Variants in SH3GLB1 observed in about 807,000 individuals in gnomAD.
The protein encoded by SH3GLB1 is endophilin-B1.
SH3GLB1 carries 17 observed loss-of-function variants against 42.0 expected under a neutral mutation model. The observed-to-expected ratio is 0.40, with a 90% CI of 0.28 to 0.61. The LOEUF is 0.61. Among genes scored for constraint, SH3GLB1 ranks in the 20% least tolerant of loss-of-function variants. The pLI is 0.36. For missense variants in SH3GLB1, 355 were observed against 426.3 expected (o/e 0.83, Z 1.47); for synonymous variants, 132 against 146.6 (o/e 0.90, Z 0.72).
In SH3GLB1 at chr1:86,746,022, C is replaced by T. The variant is rs1344042887; in HGVS notation, c.*2787C>T. The T allele has an allele frequency of 6.6e-6, 1 of 152,546 alleles. No individual in the cohort carries two copies. The highest frequency in any genetic ancestry group is 2.4e-5 in the African/African-American group (1 of 41,422). 9.4% of individuals were successfully genotyped at this position (152,546 alleles called of 1,614,324 possible). A position where few individuals can be genotyped will look rare whatever the true frequency, so the allele number is the denominator to read the frequency against. On this transcript the variant is annotated 3_prime_UTR_variant, in exon 9 of 9. Transcript: ENST00000370558. ...AACCTAAACGGTCATGGTGTTAAAA[C>T]TTTTTATGGTGCTAATCAGAAAAAT...
chr1:86,725,009 C>A (rs1655118356), intron 5 of SH3GLB1, among the ~76,000 whole-genome samples: 1 of 145,122 alleles, frequency 6.9e-6, no homozygotes, highest in African/African-American at 2.6e-5. Context: ...TACACACACA[C>A]ACGTGATATT....
chr1:86,706,860 C>T (rs1014024791), intron 1 of SH3GLB1, among the ~76,000 whole-genome samples: 11 of 152,192 alleles, frequency 7.2e-5, no homozygotes, highest in African/African-American at 2.4e-4. Flanking sequence ...TAGCAAAGCT[C>T]TCAAAATGTG....
chr1:86,719,421 TA>T (rs1195142820), intron 2 of SH3GLB1, 85 bp from the exon 3 acceptor site: 2 of 1,217,156 alleles, frequency 1.6e-6, no homozygotes, highest in Non-Finnish European at 2.3e-6. Context: ...TAGGAGATGA[TA>T]AATGGCTGCT....
At chr1:86,731,647 A>G (rs1030944885) in intron 5 of SH3GLB1, among the ~76,000 whole-genome samples, 11 of 152,242 alleles carry the variant, frequency 7.2e-5, no homozygotes, top group African/African-American at 2.7e-4. Flanking sequence ...AAGTTTAGGA[A>G]ATAATTGATA....
chr1:86,743,259 C>T lies in SH3GLB1; in HGVS notation c.*24C>T. 1 of 1,502,478 alleles carries T rather than the reference C, an allele frequency of 6.7e-7. No individual in the cohort carries two copies. The highest frequency in any genetic ancestry group is 9.1e-7 in the Non-Finnish European group (1 of 1,104,618). 93.1% of individuals were successfully genotyped at this position (1,502,478 alleles called of 1,614,324 possible). On this transcript the variant is annotated 3_prime_UTR_variant, in exon 9 of 9. Transcript: ENST00000370558. Reference sequence around the variant, plus strand: ...AAGTAGGTGGACTATGGAAAGGTTGCCCATCATGACTTTGTATTTATATAC... The same window carrying T: ...AAGTAGGTGGACTATGGAAAGGTTGTCCATCATGACTTTGTATTTATATAC...
chr1:86,724,967 GTA>G (rs1170614234), intron 5 of SH3GLB1, among the ~76,000 whole-genome samples: 1 of 138,182 alleles, frequency 7.2e-6, no homozygotes, highest in African/African-American at 2.8e-5. Flanking sequence ...ATACATATGT[GTA>G]TATATATAAA....
intron 7 of SH3GLB1, among the ~76,000 whole-genome samples, chr1:86,739,432 G>A (rs1394775665): frequency 2.0e-5 from 3 of 152,234 alleles, no homozygotes. Context: ...GGTCAAGTGA[G>A]AGGACTACGA....
chr1:86,730,216 TTAG>T, intron 5 of SH3GLB1: 1 of 1,454,334 alleles, frequency 6.9e-7, no homozygotes, highest in African/African-American at 1.4e-5. Flanking sequence ...ACAGTCTGTG[TTAG>T]TATACCTTAT....
chr1:86,708,332 TAGAG>T (rs1203988046), intron 1 of SH3GLB1, among the ~76,000 whole-genome samples: 1 of 152,174 alleles, frequency 6.6e-6, no homozygotes, highest in Non-Finnish European at 1.5e-5. Flanking sequence ...GTAAGAACAG[TAGAG>T]AGAGAAACAT....
chr1:86,724,888 A>ATATATAT (rs1428217607), intron 5 of SH3GLB1, among the ~76,000 whole-genome samples: 5 of 99,488 alleles, frequency 5.0e-5, no homozygotes, highest in African/African-American at 9.5e-5. Flanking sequence ...AAAAAAAAAA[A>ATATATAT]AAAAATATAT....
At chr1:86,740,025 A>C (rs1655979654) in intron 7 of SH3GLB1, among the ~76,000 whole-genome samples, 1 of 152,154 alleles carries the variant, frequency 6.6e-6, no homozygotes, top group South Asian at 2.1e-4. Context: ...GCATGTCTGT[A>C]GTCCCAGCTA....
intron 7 of SH3GLB1, among the ~76,000 whole-genome samples, chr1:86,736,883 A>G (rs964775029): frequency 6.6e-6 from 1 of 152,248 alleles, no homozygotes; most frequent in Non-Finnish European, 1.5e-5. Context: ...ATATTCAAAT[A>G]TAGAACTTGA....
At chr1:86,725,093 G>C (rs192864490) in intron 5 of SH3GLB1, among the ~76,000 whole-genome samples, 5 of 150,424 alleles carry the variant, frequency 3.3e-5, no homozygotes. Flanking sequence ...AATATCGTCA[G>C]TGGTCGCAAA....
At chr1:86,740,173 G>C (rs1655989461) in intron 7 of SH3GLB1, among the ~76,000 whole-genome samples, 1 of 151,188 alleles carries the variant, frequency 6.6e-6, no homozygotes, top group Non-Finnish European at 1.5e-5. Context: ...AGGAGTTCCT[G>C]ATTGTTCTTT....
In SH3GLB1 at chr1:86,704,822, C is replaced by A; in HGVS notation, c.-78C>A. ...ACCACGTCTGCCCTCGCCGCTCTAG[C>A]CCTGCGCCCCAGCCCGGCCGCGGCA... On this transcript the variant is annotated 5_prime_UTR_variant, in exon 1 of 9. Transcript: ENST00000370558. 2 of 944,624 alleles carry A rather than the reference C, an allele frequency of 2.1e-6. No homozygotes were observed. The highest frequency in any genetic ancestry group is 3.2e-6 in the Non-Finnish European group (2 of 633,758). The allele number at this position is 944,624 out of a possible 1,614,324, so 58.5% of individuals were successfully genotyped here. A position where few individuals can be genotyped will look rare whatever the true frequency, so the allele number is the denominator to read the frequency against.
intron 5 of SH3GLB1, among the ~76,000 whole-genome samples, chr1:86,732,251 C>T (rs773398585): frequency 1.3e-5 from 2 of 152,140 alleles, no homozygotes; most frequent in Non-Finnish European, 2.9e-5. Context: ...CAGATTCTTG[C>T]CCATCTTCCA....
At chr1:86,724,880 A>ATATATATATAT (rs1284567743) in intron 5 of SH3GLB1, among the ~76,000 whole-genome samples, 57 of 103,842 alleles carry the variant, frequency 5.5e-4, no homozygotes, top group African/African-American at 2.7e-3. Flanking sequence ...TCTTTAAAAA[A>ATATATATATAT]AAAAAAAAAA....
chr1:86,719,387 A>T (rs1654730321), intron 2 of SH3GLB1, 120 bp from the exon 3 acceptor site: 2 of 561,154 alleles, frequency 3.6e-6, no homozygotes, highest in Non-Finnish European at 2.7e-6. Flanking sequence ...TTATTAAGAT[A>T]TGTGCTTGAA....
intron 1 of SH3GLB1, among the ~76,000 whole-genome samples, chr1:86,708,216 T>TCA (rs1281634012): frequency 6.6e-6 from 1 of 152,218 alleles, no homozygotes; most frequent in Non-Finnish European, 1.5e-5. Context: ...ATTTATTTCA[T>TCA]CACTGAGTTC....
Sources: allele counts gnomAD v4.1 joint callset (sites outside exome capture counted in the v4.1 genomes callset), GRCh38; gene constraint gnomAD v4.1.1; transcripts MANE v1.5; gene names NCBI Gene and HGNC (gene_info 2026-07-23, HGNC 2026-07-21).